ADGRL2: variants seen among roughly 807,000 people sequenced by gnomAD.
ADGRL2 encodes the protein calcium-independent alpha-latrotoxin receptor 2.
ADGRL2 carries 44 observed loss-of-function variants against 157.4 expected under a neutral mutation model. The observed-to-expected ratio is 0.28, with a 90% CI of 0.22 to 0.36. ADGRL2 has a LOEUF of 0.36. Ranked by LOEUF, ADGRL2 falls within the 10% of genes least tolerant of loss-of-function variation. The pLI is 1.00. For missense variants in ADGRL2, 1,510 were observed against 1,768.9 expected, an observed-to-expected ratio of 0.85 and a Z score of 2.63; for synonymous variants, 585 against 624.7, an observed-to-expected ratio of 0.94 and a Z score of 0.95.
At chr1:81,651,904 T>C (rs2082428946) in intron 3 of ADGRL2, among the ~76,000 whole-genome samples, 1 of 152,106 alleles carries the variant, frequency 6.6e-6, no homozygotes, top group Non-Finnish European at 1.5e-5. Flanking sequence ...TTTTATTTTT[T>C]GTAGAGACAG....
intron 2 of ADGRL2, among the ~76,000 whole-genome samples, chr1:81,881,046 A>G (rs371821503): frequency 7.9e-5 from 12 of 152,212 alleles, no homozygotes; most frequent in African/African-American, 2.9e-4. Context: ...AAACAGGTTT[A>G]TATGTGGAAG....
At chr1:81,951,765 TTGTG>T (rs150636423) in intron 8 of ADGRL2, among the ~76,000 whole-genome samples, 188 bp from the exon 9 acceptor site, 1 of 151,112 alleles carries the variant, frequency 6.6e-6, no homozygotes, top group East Asian at 1.9e-4. Flanking sequence ...TGGTTCAGAA[TTGTG>T]TGTGTGTGTG....
chr1:81,497,041 C>T lies in ADGRL2; in HGVS notation c.-248+51952C>T, dbSNP rs565612077. Reference sequence around the variant, plus strand: ...TCCACATAATGGAAAAGAAAGAACACAACTACATAATTTCTGTAACCAAAT... The same window carrying T: ...TCCACATAATGGAAAAGAAAGAACATAACTACATAATTTCTGTAACCAAAT... On this transcript the variant is annotated intron_variant, in intron 2 of 24. Coordinates refer to the ADGRL2 transcript ENST00000370721. Among the ~76,000 whole-genome samples the T allele has an allele frequency of 1.5e-4, 23 of 152,160 alleles. No homozygotes were observed. The South Asian group carries it at 4.4e-3, about 29-fold the overall frequency.
At chr1:81,438,695 C>T (rs72940921) in intron 1 of ADGRL2, among the ~76,000 whole-genome samples, 3,576 of 152,260 alleles carry the variant, frequency 0.023, 68 homozygotes, top group African/African-American at 0.042. Flanking sequence ...AAGGAGTTTG[C>T]AGCAGGGATG....
At chr1:81,388,034 A>G (rs2101094937) in intron 1 of ADGRL2, among the ~76,000 whole-genome samples, 1 of 152,218 alleles carries the variant, frequency 6.6e-6, no homozygotes, top group African/African-American at 2.4e-5. Context: ...AGTTTTCTAA[A>G]AACGTGTGAG....
chr1:81,355,980 T>C (rs1489378538), intron 1 of ADGRL2, among the ~76,000 whole-genome samples: 1 of 152,170 alleles, frequency 6.6e-6, no homozygotes, highest in Non-Finnish European at 1.5e-5. Flanking sequence ...TTCCTCCTGG[T>C]ATTATTTTTT....
At chr1:81,615,124 C>T (rs1570643772) in intron 3 of ADGRL2, among the ~76,000 whole-genome samples, 1 of 152,132 alleles carries the variant, frequency 6.6e-6, no homozygotes, top group South Asian at 2.1e-4. Context: ...GCCGGCTGGG[C>T]TTCTGGGTCA....
intron 3 of ADGRL2, among the ~76,000 whole-genome samples, chr1:81,621,575 G>T (rs560194350): frequency 2.0e-5 from 3 of 152,106 alleles, no homozygotes; most frequent in Non-Finnish European, 4.4e-5. Flanking sequence ...TACACAGCTG[G>T]AAAGAAATGA....
At chr1:81,598,813 T>C (rs2081285285) in intron 3 of ADGRL2, among the ~76,000 whole-genome samples, 1 of 152,250 alleles carries the variant, frequency 6.6e-6, no homozygotes, top group Admixed American at 6.5e-5. Context: ...GGTATTCTTG[T>C]GGCTTCCTCA....
At chr1:81,527,556 A>C (rs1205459232) in intron 2 of ADGRL2, among the ~76,000 whole-genome samples, 1 of 152,164 alleles carries the variant, frequency 6.6e-6, no homozygotes, top group Non-Finnish European at 1.5e-5. Context: ...TACTAAAAAT[A>C]CAAAAATTAG....
chr1:81,755,596 T>C (rs2085660185), intron 1 of ADGRL2, among the ~76,000 whole-genome samples: 1 of 152,108 alleles, frequency 6.6e-6, no homozygotes, highest in African/African-American at 2.4e-5. Context: ...GAAACTGCTT[T>C]TGAATTGACC....
At chr1:81,796,268 C>T (rs146456363), upstream of ADGRL2, among the ~76,000 whole-genome samples, 5 of 152,260 alleles carry the variant, frequency 3.3e-5, no homozygotes, top group African/African-American at 1.2e-4. Flanking sequence ...GGATTACAGG[C>T]GTGAGCCACC....
At chr1:81,626,016 C>T (rs532744617) in intron 3 of ADGRL2, among the ~76,000 whole-genome samples, 2 of 152,166 alleles carry the variant, frequency 1.3e-5, no homozygotes, top group East Asian at 1.9e-4. Context: ...ATTTTTCCTC[C>T]GCGACACAAT....
intron 1 of ADGRL2, among the ~76,000 whole-genome samples, chr1:81,404,037 C>A (rs1235080910): frequency 6.6e-6 from 1 of 152,090 alleles, no homozygotes; most frequent in Non-Finnish European, 1.5e-5. Context: ...ACCTCGTAAT[C>A]CGTCCACCTC....
chr1:81,725,539 A>AAAATAAATAAAT (rs369835378), intron 1 of ADGRL2, among the ~76,000 whole-genome samples: 1 of 151,450 alleles, frequency 6.6e-6, no homozygotes, highest in South Asian at 2.1e-4. Context: ...ACTCTGTCTC[A>AAAATAAATAAAT]AAATAAATAA....
At chr1:81,456,240 A>G (rs1351410489) in intron 2 of ADGRL2, among the ~76,000 whole-genome samples, 1 of 151,810 alleles carries the variant, frequency 6.6e-6, no homozygotes. Flanking sequence ...CTCTTTTTTT[A>G]AGAGATGGGG....
chr1:81,806,794 A>G (rs544153064), intron 1 of ADGRL2, among the ~76,000 whole-genome samples: 28 of 152,152 alleles, frequency 1.8e-4, no homozygotes, highest in Non-Finnish European at 7.4e-5. Context: ...TTAAGAACAT[A>G]GATTAAGGGT....
intron 1 of ADGRL2, among the ~76,000 whole-genome samples, chr1:81,314,306 G>T (rs759257232): frequency 6.6e-6 from 1 of 152,082 alleles, no homozygotes; most frequent in African/African-American, 2.4e-5. Flanking sequence ...CTTATATTTC[G>T]GTATTTTTGT....
At chr1:81,734,808 T>G (rs1038495129) in intron 1 of ADGRL2, among the ~76,000 whole-genome samples, 1 of 148,652 alleles carries the variant, frequency 6.7e-6, no homozygotes, top group Non-Finnish European at 1.5e-5. Context: ...CCGAAGTGGA[T>G]GAATCACCTG....
Sources: gnomAD v4.1 joint callset for allele counts (sites outside exome capture counted in the v4.1 genomes callset) on GRCh38, gnomAD v4.1.1 for gene constraint, MANE v1.5 for transcripts, NCBI Gene and HGNC (gene_info 2026-07-23, HGNC 2026-07-21) for gene names.